NR2F1: variants seen among roughly 807,000 people sequenced by gnomAD.
NR2F1 encodes the protein COUP transcription factor 1.
NR2F1 carries 1 observed loss-of-function variant against 37.7 expected under a neutral mutation model. That is an observed-to-expected ratio of 0.03 (90% CI 0.01 to 0.13). The LOEUF (loss-of-function observed/expected upper bound fraction) is 0.13. Ranked by LOEUF, NR2F1 falls within the 10% of genes least tolerant of loss-of-function variation. The pLI, the probability that NR2F1 is intolerant of heterozygous loss-of-function variation, is 1.00. For missense variants in NR2F1, 268 were observed against 578.4 expected (o/e 0.46, Z 5.50); for synonymous variants, 275 against 259.6 (o/e 1.06, Z -0.57).
chr5:93,591,550 G>A (rs1753328866), intron 2 of NR2F1, among the ~76,000 whole-genome samples: 1 of 152,176 alleles, frequency 6.6e-6, no homozygotes, highest in South Asian at 2.1e-4. Context: ...CAGGACCCAG[G>A]CAGGCCTTTC....
At chr5:93,586,717 G>A (rs1561524359) in intron 1 of NR2F1, among the ~76,000 whole-genome samples, 1 of 151,378 alleles carries the variant, frequency 6.6e-6, no homozygotes, top group Non-Finnish European at 1.5e-5. Context: ...AGATTTTGTA[G>A]GCATCTGAAA....
chr5:93,584,416 G>C lies in NR2F1; in HGVS notation c.-608G>C, dbSNP rs1267735596. The stretch of plus-strand genomic sequence containing the variant: ...CCGAGCGGCCGGCGGGCGGGCGCCC[G>C]GCGCGGGTGAGCGACTGTGTGTGCG... On this transcript the variant is annotated 5_prime_UTR_variant, in exon 1 of 3. Transcript: ENST00000327111. The C allele has an allele frequency of 6.8e-6, 1 of 148,010 alleles. No individual in the cohort carries two copies. The highest frequency in any genetic ancestry group is 2.5e-5 in the African/African-American group (1 of 40,784). The allele number at this position is 148,010 out of a possible 1,614,324, so 9.2% of individuals were successfully genotyped here.
intron 2 of NR2F1, among the ~76,000 whole-genome samples, chr5:93,588,665 C>A (rs1753276035): frequency 6.6e-6 from 1 of 150,824 alleles, no homozygotes; most frequent in African/African-American, 2.4e-5. Flanking sequence ...CGAGGCGGCG[C>A]GGGTGCGGCC....
At chr5:93,586,304 T>C (rs890370532) in intron 1 of NR2F1, among the ~76,000 whole-genome samples, 2 of 152,228 alleles carry the variant, frequency 1.3e-5, no homozygotes, top group African/African-American at 4.8e-5. Flanking sequence ...AATTACAATT[T>C]ACAACGGCAT....
chr5:93,586,646 T>C (rs902261937), intron 1 of NR2F1, among the ~76,000 whole-genome samples: 1 of 152,162 alleles, frequency 6.6e-6, no homozygotes, highest in African/African-American at 2.4e-5. Flanking sequence ...AGAAAAGAAA[T>C]TGAATTCCTT....
chr5:93,586,397 G>A (rs569223997), intron 1 of NR2F1, among the ~76,000 whole-genome samples: 1 of 151,914 alleles, frequency 6.6e-6, no homozygotes, highest in Non-Finnish European at 1.5e-5. Context: ...GTGTTGTATG[G>A]GTTTGTTTTT....
At position 93,585,612 on chromosome 5, in the gene NR2F1, C is replaced by G; in HGVS notation, c.463+126C>G. ...TGTGGTCCCGGCCCGTCCCAGCTTT[C>G]CTTCTCCCGGCTGCCTTCCTCCCCC... On this transcript the variant is annotated intron_variant, in intron 1 of 2. Transcript: ENST00000327111. 3 of 765,056 alleles carry G rather than the reference C, an allele frequency of 3.9e-6. No individual in the cohort carries two copies. The South Asian group carries it at 5.5e-5, about 14-fold the overall frequency. 47.4% of individuals were successfully genotyped at this position (765,056 alleles called of 1,614,324 possible).
chr5:93,586,968 T>C (rs1438109087), intron 1 of NR2F1: 1 of 151,732 alleles, frequency 6.6e-6, no homozygotes, highest in Admixed American at 6.6e-5. Flanking sequence ...TAGCCCTAAC[T>C]TTTCCTAAAG....
At chr5:93,590,696 C>T (rs1403089091) in intron 2 of NR2F1, among the ~76,000 whole-genome samples, 2 of 152,248 alleles carry the variant, frequency 1.3e-5, no homozygotes, top group Admixed American at 6.5e-5. Flanking sequence ...CAAAGTCATC[C>T]AACTTTTAAG....
intron 2 of NR2F1, among the ~76,000 whole-genome samples, chr5:93,591,475 C>T (rs545312989): frequency 7.7e-4 from 117 of 152,338 alleles, no homozygotes; most frequent in African/African-American, 2.7e-3. Context: ...TGGCTGGTAC[C>T]TGGCAGGCAG....
chr5:93,588,434 G>A lies in NR2F1; in HGVS notation c.981G>A (p.Leu327=), dbSNP rs752311968. The change falls in exon 2 of 3, where the codon CTG becomes CTA. Residue 327 remains leucine (L), a synonymous_variant. Transcript: ENST00000327111. ...ACAGCTGCCTCAAAGCCATCGTGCT[G>A]TTCACGTCAGGTGAGGCTGCGGTCG... is the stretch of plus-strand genomic sequence containing the variant. ...AEYSCLKAIV[L]FTSDACGLSD... is the part of the protein sequence containing the mutation. 2 of 1,599,424 alleles carry A rather than the reference G, an allele frequency of 1.3e-6. No individual in the cohort carries two copies. Among genetic ancestry groups the A allele is most frequent in the African/African-American group, 1.3e-5 (1 of 74,730 alleles).
intron 2 of NR2F1, among the ~76,000 whole-genome samples, chr5:93,590,228 G>A (rs1468783141): frequency 1.3e-5 from 2 of 152,156 alleles, no homozygotes; most frequent in African/African-American, 4.8e-5. Context: ...CCAGCGAGGT[G>A]TCTTGAAGCA....
chr5:93,586,794 A>G (rs1381017369), intron 1 of NR2F1, among the ~76,000 whole-genome samples: 1 of 152,194 alleles, frequency 6.6e-6, no homozygotes, highest in Non-Finnish European at 1.5e-5. Flanking sequence ...AACTATAATT[A>G]GAAAAAAGTA....
chr5:93,589,320 G>A (rs1396393220), intron 2 of NR2F1, among the ~76,000 whole-genome samples: 1 of 152,206 alleles, frequency 6.6e-6, no homozygotes, highest in East Asian at 1.9e-4. Flanking sequence ...CCAGAAAAGT[G>A]CATTAACGTT....
At chr5:93,587,466 C>G (rs1049010526) in intron 1 of NR2F1, 1 of 163,284 alleles carries the variant, frequency 6.1e-6, no homozygotes, top group Non-Finnish European at 1.3e-5. Flanking sequence ...CAGCAAAACG[C>G]TGCTTGCTTG....
chr5:93,587,601 C>T, intron 1 of NR2F1: 1 of 319,908 alleles, frequency 3.1e-6, no homozygotes, highest in Admixed American at 4.8e-5. Flanking sequence ...TCTGTGTGTT[C>T]CCCCGTGGTG....
intron 1 of NR2F1, chr5:93,587,624 G>A: frequency 2.6e-6 from 1 of 388,008 alleles, no homozygotes; most frequent in South Asian, 7.6e-5. Flanking sequence ...TTAGGGGTTG[G>A]ATGACACTTT....
At chr5:93,589,281 C>T (rs1202506729) in intron 2 of NR2F1, among the ~76,000 whole-genome samples, 1 of 152,204 alleles carries the variant, frequency 6.6e-6, no homozygotes, top group Non-Finnish European at 1.5e-5. Context: ...TTAACAATTT[C>T]TCTTATGATA....
intron 2 of NR2F1, among the ~76,000 whole-genome samples, chr5:93,590,590 T>C (rs1025680437): frequency 2.0e-5 from 3 of 152,200 alleles, no homozygotes; most frequent in Non-Finnish European, 4.4e-5. Flanking sequence ...GAGCTGTCAG[T>C]AGTAATTCAC....
Sources: allele counts gnomAD v4.1 joint callset (sites outside exome capture counted in the v4.1 genomes callset), GRCh38; gene constraint gnomAD v4.1.1; transcripts MANE v1.5; gene names NCBI Gene and HGNC (gene_info 2026-07-23, HGNC 2026-07-21).